OR3A2: variants seen among roughly 807,000 people sequenced by gnomAD.
OR3A2 encodes the protein olfactory receptor 3A2.
For synonymous variants in OR3A2, 126 were observed against 159.3 expected (o/e 0.79, Z 1.57); for missense variants, 318 against 392.8 (o/e 0.81, Z 1.61).
intron 3 of OR3A2, among the ~76,000 whole-genome samples, chr17:3,335,773 A>C (rs1016400893): frequency 6.6e-6 from 1 of 152,322 alleles, no homozygotes; most frequent in South Asian, 2.1e-4. Flanking sequence ...AAAGTCTGAC[A>C]GAGAACACAT....
intron 3 of OR3A2, among the ~76,000 whole-genome samples, chr17:3,315,768 GTAAGATGA>G (rs561531525): frequency 3.3e-5 from 1 of 29,940 alleles, no homozygotes; most frequent in African/African-American, 2.2e-4. Flanking sequence ...GGGGGCGGTA[GTAAGATGA>G]GTAGTAAGAT....
chr17:3,333,108 G>A (rs1320063550), intron 3 of OR3A2, among the ~76,000 whole-genome samples: 1 of 152,122 alleles, frequency 6.6e-6, no homozygotes, highest in Non-Finnish European at 1.5e-5. Context: ...CTCCTAGCAA[G>A]GAATATTAAA....
At chr17:3,349,585 A>G (rs569834873) in intron 2 of OR3A2, among the ~76,000 whole-genome samples, 343 of 152,278 alleles carry the variant, frequency 2.3e-3, no homozygotes, top group African/African-American at 7.6e-3. Context: ...TAATAATAGG[A>G]GACTTTAACA....
intron 3 of OR3A2, among the ~76,000 whole-genome samples, chr17:3,323,378 G>C (rs1018597823): frequency 2.6e-5 from 4 of 152,018 alleles, no homozygotes; most frequent in African/African-American, 9.7e-5. Flanking sequence ...ATATCGTTAC[G>C]TGTGAATTTG....
rs371725028 is a variant in OR3A2, at chr17:3,359,892, T to G, written c.-178-23766A>C. Among the ~76,000 whole-genome samples the G allele has an allele frequency of 2.3e-4, 35 of 151,924 alleles. 1 individual carries two copies. The highest frequency in any genetic ancestry group is 8.3e-4 in the African/African-American group (34 of 41,170). On this transcript the variant is annotated intron_variant, in intron 2 of 4. Coordinates refer to the OR3A2 transcript ENST00000573491. ...GCCGCAATAAACATATGTGTGCATGTGTCTTTATAGCAGCATGATTTATAT... is the reference window on the plus strand; with the variant it reads ...GCCGCAATAAACATATGTGTGCATGGGTCTTTATAGCAGCATGATTTATAT...
intron 3 of OR3A2, among the ~76,000 whole-genome samples, chr17:3,326,786 G>C (rs1295923383): frequency 1.5e-4 from 21 of 139,802 alleles, no homozygotes; most frequent in African/African-American, 5.5e-4. Flanking sequence ...TCCCACCTAT[G>C]AGTGAGAATA....
intron 2 of OR3A2, among the ~76,000 whole-genome samples, chr17:3,363,869 AAGAG>A (rs1437526366): frequency 2.6e-5 from 4 of 152,310 alleles, no homozygotes; most frequent in Non-Finnish European, 2.9e-5. Context: ...TGGCAGGAGA[AAGAG>A]AGAGAAAGAG....
chr17:3,368,762 G>A (rs1206103754), intron 2 of OR3A2, among the ~76,000 whole-genome samples: 1 of 151,986 alleles, frequency 6.6e-6, no homozygotes, highest in Admixed American at 6.6e-5. Context: ...GTTTTTTCTA[G>A]TTCTGTGAAG....
chr17:3,352,319 AT>A (rs1355217610), intron 2 of OR3A2, among the ~76,000 whole-genome samples: 8 of 151,630 alleles, frequency 5.3e-5, no homozygotes, highest in African/African-American at 7.3e-5. Flanking sequence ...TACTTAAAAC[AT>A]TTTTGCACAG....
At chr17:3,379,401 C>A (rs538905013) in intron 2 of OR3A2, among the ~76,000 whole-genome samples, 40 of 152,206 alleles carry the variant, frequency 2.6e-4, no homozygotes, top group Non-Finnish European at 1.0e-4. Context: ...ATCCCCACAA[C>A]TCCAACCTGA....
chr17:3,297,880 G>A (rs531189073), intron 3 of OR3A2, among the ~76,000 whole-genome samples: 4 of 152,042 alleles, frequency 2.6e-5, no homozygotes, highest in South Asian at 4.2e-4. Flanking sequence ...AGATTGATAC[G>A]ATTTAAGGGA....
upstream of OR3A2, among the ~76,000 whole-genome samples, chr17:3,288,412 A>G (rs777711112): frequency 6.6e-6 from 1 of 152,206 alleles, no homozygotes; most frequent in Non-Finnish European, 1.5e-5. Context: ...TATTTCATAT[A>G]GCCTAGGTGT....
Position 3,348,539 on chromosome 17 carries a change from A to C in OR3A2, c.-178-12413T>G, listed in dbSNP as rs570266759. ...GAAATATGGGACTATGTGAAAAGAC[A>C]AAATCTACATCTCACTGATGTACCT... On this transcript the variant is annotated intron_variant, in intron 2 of 4. Transcript: ENST00000573491. Among the ~76,000 whole-genome samples the C allele has an allele frequency of 8.9e-4, 136 of 152,268 alleles. 3 individuals carry two copies. The South Asian group carries it at 0.013, about 15-fold the overall frequency.
chr17:3,316,552 G>A (rs2049083952), intron 3 of OR3A2, among the ~76,000 whole-genome samples: 1 of 152,146 alleles, frequency 6.6e-6, no homozygotes, highest in South Asian at 2.1e-4. Context: ...TTAGCACATA[G>A]CAATATTTAC....
intron 2 of OR3A2, among the ~76,000 whole-genome samples, chr17:3,362,153 A>G (rs1336907598): frequency 2.6e-5 from 4 of 151,592 alleles, no homozygotes; most frequent in Non-Finnish European, 5.9e-5. Context: ...GGGAGGGTGT[A>G]TGTGTTGAGG....
At chr17:3,357,130 A>G (rs2049470652) in intron 2 of OR3A2, among the ~76,000 whole-genome samples, 1 of 151,762 alleles carries the variant, frequency 6.6e-6, no homozygotes, top group Non-Finnish European at 1.5e-5. Context: ...ACTAGTTCCC[A>G]AACTTAGTTG....
intron 2 of OR3A2, among the ~76,000 whole-genome samples, chr17:3,364,731 T>C (rs2049548536): frequency 6.6e-6 from 1 of 152,180 alleles, no homozygotes; most frequent in South Asian, 2.1e-4. Flanking sequence ...TCCAGCAATC[T>C]CACTCCTGGG....
intron 1 of OR3A2, 40 bp from the exon 4 acceptor site, chr17:3,279,193 C>T (rs2048762927): frequency 3.6e-6 from 2 of 551,682 alleles, no homozygotes; most frequent in Admixed American, 7.1e-5. Context: ...AAGTGTATTG[C>T]ATTCAGGATT....
intron 2 of OR3A2, among the ~76,000 whole-genome samples, chr17:3,338,347 A>G (rs1384434593): frequency 2.0e-5 from 3 of 152,138 alleles, no homozygotes; most frequent in Non-Finnish European, 4.4e-5. Flanking sequence ...GTCCTTGCCC[A>G]TGCCTATATC....
Sources: allele counts gnomAD v4.1 joint callset (sites outside exome capture counted in the v4.1 genomes callset), GRCh38; gene constraint gnomAD v4.1.1; transcripts MANE v1.5; gene names NCBI Gene and HGNC (gene_info 2026-07-23, HGNC 2026-07-21).